The following DHRSX variants were observed in gnomAD, a reference collection of about 807,000 sequenced individuals.
DHRSX encodes the protein polyprenol dehydrogenase.
In DHRSX, 31 loss-of-function variants were observed where a neutral mutation model predicts 34.0. That is an observed-to-expected ratio of 0.91 (90% confidence interval 0.69 to 1.23). DHRSX has a LOEUF of 1.23. Ranked by LOEUF, DHRSX falls within the 50% of genes most tolerant of loss-of-function variation. DHRSX has a pLI of 0.00. For synonymous variants in DHRSX, 201 were observed against 183.8 expected, an observed-to-expected ratio of 1.09 and a Z score of -0.76; for missense variants, 414 against 428.1, an observed-to-expected ratio of 0.97 and a Z score of 0.29.
intron 3 of DHRSX, 35 bp downstream of exon 3, chrX:2,408,710 A>AC (rs1204900546): frequency 3.2e-6 from 5 of 1,581,620 alleles, no homozygotes; most frequent in African/African-American, 1.4e-5. Context: ...GGAAAAAAAA[A>AC]AACAAAAAAA....
chrX:2,373,960 A>C (rs1367939772), intron 3 of DHRSX, among the ~76,000 whole-genome samples: 2 of 152,186 alleles, frequency 1.3e-5, no homozygotes, highest in Admixed American at 1.3e-4. Context: ...TTGTGACGTA[A>C]AGTAAGTTCC....
At chrX:2,306,597 C>A (rs1303182915) in intron 3 of DHRSX, among the ~76,000 whole-genome samples, 2 of 151,766 alleles carry the variant, frequency 1.3e-5, no homozygotes. Flanking sequence ...GGATTACAGA[C>A]GCGCACCACC....
At position 2,399,442 on chromosome X, in the gene DHRSX, C is replaced by T. The variant is rs951392216; in HGVS notation, c.286+9303G>A. ...AAAACACAGGCCAGGCGTGATAGCT[C>T]ACGCCTGTAATCCCAGCACTTCGGG... On this transcript the variant is annotated intron_variant, in intron 3 of 6. Transcript: ENST00000334651. Among the ~76,000 whole-genome samples the T allele has an allele frequency of 5.3e-5, 8 of 150,748 alleles. No individual in the cohort carries two copies. The East Asian group carries it at 9.8e-4, about 18-fold the overall frequency.
intron 3 of DHRSX, among the ~76,000 whole-genome samples, chrX:2,321,841 T>G (rs1442674244): frequency 6.6e-6 from 1 of 152,036 alleles, no homozygotes; most frequent in Admixed American, 6.6e-5. Flanking sequence ...TCCTGTCCGC[T>G]CTCATCTTAG....
At chrX:2,445,543 G>A (rs760024430) in intron 1 of DHRSX, among the ~76,000 whole-genome samples, 2 of 152,226 alleles carry the variant, frequency 1.3e-5, no homozygotes, top group East Asian at 3.9e-4. Flanking sequence ...TCACCCCCAA[G>A]GGACCGCTGC....
intron 3 of DHRSX, among the ~76,000 whole-genome samples, chrX:2,376,453 G>C (rs979503426): frequency 1.5e-5 from 2 of 137,392 alleles, no homozygotes; most frequent in Admixed American, 7.2e-5. Context: ...CAGAACAAGA[G>C]CCTGGAGATC....
chrX:2,371,527 CGTTACCATAGTCCGTCCTTCT>C (rs376554913), intron 3 of DHRSX, among the ~76,000 whole-genome samples: 42,222 of 135,112 alleles, frequency 0.31, 7,834 homozygotes, highest in Non-Finnish European at 0.46. Context: ...GCCCCTCCTC[CGTTACCATAGTCCGTCCTTCT>C]GTTACCATAG....
At chrX:2,454,452 G>C (rs1472502576) in intron 1 of DHRSX, among the ~76,000 whole-genome samples, 1 of 151,798 alleles carries the variant, frequency 6.6e-6, no homozygotes, top group Non-Finnish European at 1.5e-5. Flanking sequence ...GCTTCAACCC[G>C]GGAGATGTTG....
chrX:2,229,042 T>C (rs183357415), intron 6 of DHRSX, among the ~76,000 whole-genome samples: 5 of 152,104 alleles, frequency 3.3e-5, no homozygotes, highest in African/African-American at 1.2e-4. Flanking sequence ...CGCTCAGCTC[T>C]CTGCAAGGCA....
intron 1 of DHRSX, among the ~76,000 whole-genome samples, chrX:2,472,232 G>A (rs950405591): frequency 2.9e-4 from 44 of 151,798 alleles, no homozygotes; most frequent in African/African-American, 1.0e-3. Flanking sequence ...CACAGGAACA[G>A]AAAACCAAAT....
chrX:2,397,446 C>T (rs1326526972), intron 3 of DHRSX, among the ~76,000 whole-genome samples: 1 of 152,090 alleles, frequency 6.6e-6, no homozygotes, highest in Non-Finnish European at 1.5e-5. Flanking sequence ...GGCATTCACC[C>T]CTCTTGAGAC....
intron 3 of DHRSX, among the ~76,000 whole-genome samples, chrX:2,321,435 T>C (rs1405996373): frequency 6.6e-6 from 1 of 152,090 alleles, no homozygotes; most frequent in Non-Finnish European, 1.5e-5. Context: ...GTGGAAACCC[T>C]AATGCCAAAG....
intron 2 of DHRSX, among the ~76,000 whole-genome samples, chrX:2,412,649 C>T (rs1268826535): frequency 6.6e-6 from 1 of 152,010 alleles, no homozygotes; most frequent in Non-Finnish European, 1.5e-5. Flanking sequence ...TTCGTTGCAG[C>T]ATGATTCACA....
chrX:2,237,535 C>T (rs1458043483), intron 6 of DHRSX, among the ~76,000 whole-genome samples: 93 of 148,326 alleles, frequency 6.3e-4, no homozygotes, highest in African/African-American at 2.2e-3. Flanking sequence ...GATGGAGTTT[C>T]GCTCTTGTCG....
At chrX:2,229,007 A>C (rs2124405000) in intron 6 of DHRSX, among the ~76,000 whole-genome samples, 1 of 152,252 alleles carries the variant, frequency 6.6e-6, no homozygotes, top group Admixed American at 6.5e-5. Context: ...CCTAGGGAGG[A>C]GGCTAGCAGG....
At chrX:2,248,604 ACT>A (rs1380824774) in intron 5 of DHRSX, among the ~76,000 whole-genome samples, 1 of 95,098 alleles carries the variant, frequency 1.1e-5, no homozygotes, top group Non-Finnish European at 2.2e-5. Context: ...CAAGAGCAAG[ACT>A]CTGTCTCAAA....
At chrX:2,417,145 T>C (rs948572022) in intron 2 of DHRSX, among the ~76,000 whole-genome samples, 11 of 152,094 alleles carry the variant, frequency 7.2e-5, no homozygotes, top group South Asian at 4.1e-4. Context: ...GAGACACAGG[T>C]GGGGTGCAGA....
At chrX:2,398,500 C>T (rs377175723) in intron 3 of DHRSX, among the ~76,000 whole-genome samples, 39 of 152,186 alleles carry the variant, frequency 2.6e-4, no homozygotes, top group African/African-American at 9.2e-4. Context: ...TGAACCACAA[C>T]ACACCGTCAT....
intron 3 of DHRSX, among the ~76,000 whole-genome samples, chrX:2,325,881 TA>T (rs1181933330): frequency 6.6e-6 from 1 of 152,076 alleles, no homozygotes; most frequent in Non-Finnish European, 1.5e-5. Flanking sequence ...CTTCCACTCC[TA>T]AACTCCTCGT....
Sources: allele counts gnomAD v4.1 joint callset (sites outside exome capture counted in the v4.1 genomes callset), GRCh38; gene constraint gnomAD v4.1.1; transcripts MANE v1.5; gene names NCBI Gene and HGNC (gene_info 2026-07-23, HGNC 2026-07-21).